SGCZ: variants seen among roughly 807,000 people sequenced by gnomAD.
SGCZ encodes the protein sarcoglycan zeta, also known as zeta-sarcoglycan.
In SGCZ, 40 loss-of-function variants were observed where a neutral mutation model predicts 41.3. That is an observed-to-expected ratio of 0.97 (90% CI 0.75 to 1.26). The LOEUF is 1.26. Among genes scored for constraint, SGCZ ranks in the 50% most tolerant of loss-of-function variants. SGCZ has a pLI of 0.00. For synonymous variants in SGCZ, 206 were observed against 137.5 expected (o/e 1.50, Z -3.49); for missense variants, 552 against 369.8 (o/e 1.49, Z -4.04).
intron 5 of SGCZ, among the ~76,000 whole-genome samples, chr8:14,111,217 T>C (rs1182332934): frequency 6.6e-6 from 1 of 152,152 alleles, no homozygotes; most frequent in Non-Finnish European, 1.5e-5. Context: ...AAATCATTTT[T>C]TAGTATAAGT....
At chr8:15,200,919 G>A (rs895227543) in intron 1 of SGCZ, among the ~76,000 whole-genome samples, 1 of 152,158 alleles carries the variant, frequency 6.6e-6, no homozygotes, top group African/African-American at 2.4e-5. Context: ...TGTACATTCT[G>A]TTGGTCTCTA....
chr8:14,788,052 G>T (rs6990399), intron 1 of SGCZ, among the ~76,000 whole-genome samples: 48,810 of 151,896 alleles, frequency 0.32, 9,610 homozygotes, highest in East Asian at 0.49. Flanking sequence ...CTAGATTCTG[G>T]AAAAAGATGC....
intron 1 of SGCZ, among the ~76,000 whole-genome samples, chr8:15,111,423 C>T (rs1177333125): frequency 1.3e-5 from 2 of 152,156 alleles, no homozygotes; most frequent in Non-Finnish European, 2.9e-5. Flanking sequence ...ACTCAGGCCT[C>T]TGATTGGCCA....
At chr8:14,806,132 A>T (rs1219611628) in intron 1 of SGCZ, among the ~76,000 whole-genome samples, 1 of 152,140 alleles carries the variant, frequency 6.6e-6, no homozygotes, top group Non-Finnish European at 1.5e-5. Flanking sequence ...AAAGCAGGAA[A>T]GATCCAAAAT....
At chr8:15,211,313 C>G (rs1279209778) in intron 1 of SGCZ, among the ~76,000 whole-genome samples, 1 of 151,444 alleles carries the variant, frequency 6.6e-6, no homozygotes, top group Admixed American at 6.6e-5. Context: ...TTTTCTCACT[C>G]TAGGGTAGGC....
At chr8:14,634,015 T>C (rs1300219865) in intron 1 of SGCZ, among the ~76,000 whole-genome samples, 1 of 151,874 alleles carries the variant, frequency 6.6e-6, no homozygotes, top group Non-Finnish European at 1.5e-5. Context: ...TTCTAATACA[T>C]TTTCCAGAAA....
intron 3 of SGCZ, among the ~76,000 whole-genome samples, chr8:14,281,061 C>T (rs990782480): frequency 1.8e-4 from 28 of 151,682 alleles, no homozygotes; most frequent in Admixed American, 7.9e-4. Context: ...AAATTTGAGA[C>T]CTTAGGTGAT....
At chr8:14,327,209 A>G (rs1490090950) in intron 2 of SGCZ, among the ~76,000 whole-genome samples, 1 of 152,182 alleles carries the variant, frequency 6.6e-6, no homozygotes, top group Non-Finnish European at 1.5e-5. Context: ...GGATTTGGAG[A>G]TCTTGAAGTT....
chr8:14,108,360 T>C (rs1802272523), intron 5 of SGCZ, 125 bp from the exon 6 acceptor site: 1 of 765,686 alleles, frequency 1.3e-6, no homozygotes, highest in Non-Finnish European at 2.2e-6. Flanking sequence ...TATGATGTAT[T>C]AGTCCGTTTT....
intron 4 of SGCZ, among the ~76,000 whole-genome samples, chr8:14,187,092 G>C (rs1216109248): frequency 6.6e-6 from 1 of 152,148 alleles, no homozygotes; most frequent in Admixed American, 6.5e-5. Context: ...AGGTGGCTGA[G>C]TACACATGCC....
At chr8:14,963,562 G>T (rs1274046163) in intron 1 of SGCZ, among the ~76,000 whole-genome samples, 1 of 151,998 alleles carries the variant, frequency 6.6e-6, no homozygotes, top group Non-Finnish European at 1.5e-5. Flanking sequence ...TGCCCAGGCT[G>T]GTTTCGAACA....
chr8:14,569,474 A>AT (rs1804483716), intron 1 of SGCZ, among the ~76,000 whole-genome samples: 1 of 152,326 alleles, frequency 6.6e-6, no homozygotes, highest in South Asian at 2.1e-4. Context: ...CACAAATATC[A>AT]TGTTTATTTA....
At chr8:14,205,379 A>C (rs978136232) in intron 4 of SGCZ, among the ~76,000 whole-genome samples, 2 of 152,194 alleles carry the variant, frequency 1.3e-5, no homozygotes, top group African/African-American at 4.8e-5. Flanking sequence ...ATCTGCTAAA[A>C]TGTTTTTCAG....
intron 3 of SGCZ, among the ~76,000 whole-genome samples, chr8:14,263,070 T>G (rs553552081): frequency 3.9e-4 from 59 of 152,302 alleles, no homozygotes; most frequent in South Asian, 1.2e-3. Flanking sequence ...GTTTCATGAA[T>G]TTTTTCTGCA....
At chr8:14,211,283 G>A (rs1805798320) in intron 4 of SGCZ, among the ~76,000 whole-genome samples, 1 of 152,122 alleles carries the variant, frequency 6.6e-6, no homozygotes, top group Non-Finnish European at 1.5e-5. Flanking sequence ...GGGTACTGCA[G>A]ATGGGTGTCT....
intron 2 of SGCZ, among the ~76,000 whole-genome samples, chr8:14,363,772 A>G (rs1028446386): frequency 2.0e-5 from 3 of 152,170 alleles, no homozygotes; most frequent in African/African-American, 7.2e-5. Flanking sequence ...TCCTCTTGCA[A>G]CATTTCCTGT....
intron 5 of SGCZ, among the ~76,000 whole-genome samples, chr8:14,122,743 C>T (rs1306349648): frequency 6.6e-6 from 1 of 152,114 alleles, no homozygotes; most frequent in African/African-American, 2.4e-5. Flanking sequence ...TTCTTCTCCC[C>T]TTGTTTTTAG....
chr8:14,726,151 C>A lies in SGCZ; in HGVS notation c.40-171225G>T, dbSNP rs1220279062. 2.7e-5 allele frequency among the ~76,000 whole-genome samples: 4 copies of A among 149,880 alleles called. No homozygotes were observed. The East Asian group carries it at 7.9e-4, about 30-fold the overall frequency. On this transcript the variant is annotated intron_variant, in intron 1 of 7. Coordinates refer to ENST00000382080, the MANE Select transcript of SGCZ (RefSeq NM_139167.4). ...GCACGCACCTGTAGTCCCAGCTACT[C>A]GGGAGGCTGAGGCAGGAGAATCACT...
chr8:14,987,431 T>G (rs1801860429), intron 1 of SGCZ, among the ~76,000 whole-genome samples: 1 of 152,022 alleles, frequency 6.6e-6, no homozygotes, highest in Non-Finnish European at 1.5e-5. Context: ...CATTTTATAG[T>G]ATCAGTTTTT....
Sources: gnomAD v4.1 joint callset for allele counts (sites outside exome capture counted in the v4.1 genomes callset) on GRCh38, gnomAD v4.1.1 for gene constraint, MANE v1.5 for transcripts, NCBI Gene and HGNC (gene_info 2026-07-23, HGNC 2026-07-21) for gene names.